Variants in CSMD1 observed in about 807,000 individuals in gnomAD.
The protein encoded by CSMD1 is CUB and sushi domain-containing protein 1.
In CSMD1, 213 loss-of-function variants were observed where a neutral mutation model predicts 417.5. The ratio of observed to expected loss-of-function variants is 0.51; its 90% confidence interval spans 0.46 to 0.57. The LOEUF (loss-of-function observed/expected upper bound fraction) is 0.57. Ranked by LOEUF, CSMD1 falls within the 20% of genes least tolerant of loss-of-function variation. The pLI is 0.00. For missense variants in CSMD1, 6,923 were observed against 4,529.7 expected, an observed-to-expected ratio of 1.53 and a Z score of -15.17; for synonymous variants, 2,862 against 1,736.8, an observed-to-expected ratio of 1.65 and a Z score of -16.11.
chr8:4,667,013 A>C (rs1804980070), intron 1 of CSMD1, among the ~76,000 whole-genome samples: 1 of 152,108 alleles, frequency 6.6e-6, no homozygotes, highest in African/African-American at 2.4e-5. Flanking sequence ...AATCATTTTG[A>C]GTTAACTTTT....
At chr8:3,340,446 T>A (rs960958773) in intron 23 of CSMD1, among the ~76,000 whole-genome samples, 1 of 152,236 alleles carries the variant, frequency 6.6e-6, no homozygotes, top group Non-Finnish European at 1.5e-5. Context: ...TCTACTCATG[T>A]ATATGCATTA....
intron 18 of CSMD1, among the ~76,000 whole-genome samples, chr8:3,387,211 T>G (rs1184880731): frequency 6.6e-6 from 1 of 152,182 alleles, no homozygotes; most frequent in Non-Finnish European, 1.5e-5. Flanking sequence ...CGTGCCAGTT[T>G]CAATAAATAC....
At chr8:3,424,862 C>T (rs1256739326) in intron 12 of CSMD1, among the ~76,000 whole-genome samples, 4 of 152,162 alleles carry the variant, frequency 2.6e-5, no homozygotes, top group Non-Finnish European at 5.9e-5. Context: ...TTATTTGAGA[C>T]AGGGTCTTAC....
At chr8:3,338,366 A>T (rs190392456) in intron 23 of CSMD1, among the ~76,000 whole-genome samples, 1 of 152,230 alleles carries the variant, frequency 6.6e-6, no homozygotes, top group Admixed American at 6.5e-5. Flanking sequence ...GTAGACCCTG[A>T]CCAAGTACAT....
At chr8:4,815,184 G>C (rs1489645754) in intron 1 of CSMD1, among the ~76,000 whole-genome samples, 2 of 152,050 alleles carry the variant, frequency 1.3e-5, no homozygotes, top group Non-Finnish European at 2.9e-5. Flanking sequence ...CAGATCAATA[G>C]ATTTGAACAT....
chr8:3,027,162 CA>C (rs1809993031), intron 51 of CSMD1, among the ~76,000 whole-genome samples: 2 of 151,988 alleles, frequency 1.3e-5, no homozygotes, highest in Middle Eastern at 3.4e-3. Context: ...AATAAATTGA[CA>C]ATATCAACAT....
intron 2 of CSMD1, among the ~76,000 whole-genome samples, chr8:4,426,949 C>G (rs951080329): frequency 6.6e-6 from 1 of 151,780 alleles, no homozygotes; most frequent in Admixed American, 6.6e-5. Flanking sequence ...TAGAAGTATT[C>G]GGTCACTGGA....
At chr8:3,354,364 T>A (rs1808602718) in intron 21 of CSMD1, among the ~76,000 whole-genome samples, 1 of 152,178 alleles carries the variant, frequency 6.6e-6, no homozygotes, top group South Asian at 2.1e-4. Flanking sequence ...TTGAGGGCAC[T>A]GTGAAATTGG....
In CSMD1 at chr8:3,804,524, C is replaced by T. The variant is rs2720877; in HGVS notation, c.819-50482G>A. On this transcript the variant is annotated intron_variant, in intron 5 of 69. Transcript: ENST00000635120. ...AATTTTAATAGCTATAAAACATTTA[C>T]GCATCATGTTGCTATAAATGAGATT... 9.5e-3 allele frequency among the ~76,000 whole-genome samples: 1,452 copies of T among 152,186 alleles called. 21 individuals are homozygous for T. The highest frequency in any genetic ancestry group is 0.033 in the African/African-American group (1,354 of 41,516).
chr8:3,272,284 A>G (rs942540646), intron 26 of CSMD1, among the ~76,000 whole-genome samples: 1 of 144,234 alleles, frequency 6.9e-6, no homozygotes, highest in African/African-American at 2.6e-5. Flanking sequence ...TATTCCATTG[A>G]TCTATATCTC....
At chr8:4,097,960 T>C (rs1426453002) in intron 3 of CSMD1, among the ~76,000 whole-genome samples, 4 of 152,160 alleles carry the variant, frequency 2.6e-5, no homozygotes, top group Non-Finnish European at 5.9e-5. Context: ...TCATGGTATG[T>C]TCTTATTTTT....
intron 1 of CSMD1, among the ~76,000 whole-genome samples, chr8:4,948,374 T>C (rs1262680392): frequency 3.3e-5 from 5 of 152,064 alleles, no homozygotes; most frequent in Non-Finnish European, 7.4e-5. Flanking sequence ...GAATAATTGT[T>C]TATATATTCT....
intron 1 of CSMD1, among the ~76,000 whole-genome samples, chr8:4,963,783 C>T (rs1055267559): frequency 1.3e-5 from 2 of 152,074 alleles, no homozygotes; most frequent in Non-Finnish European, 2.9e-5. Flanking sequence ...TTCATGGCAA[C>T]GTCAAAATGG....
intron 5 of CSMD1, among the ~76,000 whole-genome samples, chr8:3,780,728 C>T (rs55798372): frequency 0.15 from 22,271 of 152,116 alleles, 2,270 homozygotes; most frequent in African/African-American, 0.27. Flanking sequence ...CAGATGCTTT[C>T]CACATAAAGC....
intron 10 of CSMD1, among the ~76,000 whole-genome samples, chr8:3,566,844 G>C (rs1799734257): frequency 6.6e-6 from 1 of 152,184 alleles, no homozygotes; most frequent in Admixed American, 6.5e-5. Flanking sequence ...TGTAAACTAG[G>C]TTAACCTTTG....
chr8:4,965,909 G>A (rs1809826196), intron 1 of CSMD1, among the ~76,000 whole-genome samples: 1 of 152,236 alleles, frequency 6.6e-6, no homozygotes. Flanking sequence ...ATAACTTGAA[G>A]CAGGATGTGT....
At chr8:4,114,466 G>A (rs141231555) in intron 3 of CSMD1, among the ~76,000 whole-genome samples, 1 of 152,324 alleles carries the variant, frequency 6.6e-6, no homozygotes, top group East Asian at 1.9e-4. Context: ...GATGCTTAAA[G>A]AGATTAATGT....
intron 26 of CSMD1, among the ~76,000 whole-genome samples, chr8:3,243,696 G>T (rs1268786811): frequency 6.6e-6 from 1 of 151,704 alleles, no homozygotes; most frequent in Non-Finnish European, 1.5e-5. Flanking sequence ...CTTAGCTTGG[G>T]CTCACAGGCC....
intron 3 of CSMD1, among the ~76,000 whole-genome samples, chr8:4,085,743 G>A (rs1056435059): frequency 1.3e-5 from 2 of 152,268 alleles, no homozygotes; most frequent in East Asian, 1.9e-4. Flanking sequence ...TAGTAAAAAT[G>A]GAGGGAAGAT....
Sources: gnomAD v4.1 joint callset for allele counts (sites outside exome capture counted in the v4.1 genomes callset) on GRCh38, gnomAD v4.1.1 for gene constraint, MANE v1.5 for transcripts, NCBI Gene and HGNC (gene_info 2026-07-23, HGNC 2026-07-21) for gene names.